Variants in CACNA1C observed in about 807,000 individuals in gnomAD.
The protein encoded by CACNA1C is calcium voltage-gated channel subunit alpha1 C, also known as voltage-dependent L-type calcium channel subunit alpha-1C.
A neutral mutation model predicts 229.0 loss-of-function variants in CACNA1C; 30 were observed. The ratio of observed to expected loss-of-function variants is 0.13; its 90% CI spans 0.10 to 0.18. CACNA1C has a LOEUF of 0.18. CACNA1C is among the 10% of genes least tolerant of loss of function. The probability of loss-of-function intolerance (pLI) is 1.00; values close to 1 mark genes in which losing one functional copy is unlikely to be tolerated. For synonymous variants in CACNA1C, 1,114 were observed against 1,132.5 expected (o/e 0.98, Z 0.33); for missense variants, 1,658 against 2,845.0 (o/e 0.58, Z 9.49).
chr12:2,542,142 T>C (rs2099872086), intron 9 of CACNA1C, among the ~76,000 whole-genome samples: 1 of 146,914 alleles, frequency 6.8e-6, no homozygotes, highest in African/African-American at 2.6e-5. Flanking sequence ...GTGCCATTTT[T>C]CTTTTTTATC....
At chr12:1,999,037 C>T (rs2041577484) in intron 1 of CACNA1C, among the ~76,000 whole-genome samples, 1 of 152,238 alleles carries the variant, frequency 6.6e-6, no homozygotes, top group Admixed American at 6.5e-5. Context: ...ATTTCTCATT[C>T]ACTTTAGTTC....
intron 9 of CACNA1C, among the ~76,000 whole-genome samples, chr12:2,520,712 A>G (rs1444180983): frequency 7.6e-6 from 1 of 132,328 alleles, no homozygotes; most frequent in African/African-American, 3.3e-5. Context: ...TCATTGACCA[A>G]TGGCCGTGTG....
intron 3 of CACNA1C, among the ~76,000 whole-genome samples, chr12:2,385,938 A>G (rs1171418302): frequency 6.6e-6 from 1 of 152,224 alleles, no homozygotes; most frequent in Non-Finnish European, 1.5e-5. Flanking sequence ...CAGGAATCTT[A>G]TGAGTGGGTT....
At chr12:2,389,749 C>T (rs530283570) in intron 3 of CACNA1C, among the ~76,000 whole-genome samples, 19 of 152,288 alleles carry the variant, frequency 1.2e-4, no homozygotes, top group African/African-American at 4.1e-4. Flanking sequence ...ACCAGCCTTT[C>T]GGAGTCCCCA....
At position 2,029,389 on chromosome 12, in the gene CACNA1C, C is replaced by T. The variant is rs148809757; in HGVS notation, c.139+58188C>T. ...TCACCACTAACTTTTTCATTAGTCCCGAAGGAAACCCTGTACCCATTAAGA... is the reference window on the plus strand; with the variant it reads ...TCACCACTAACTTTTTCATTAGTCCTGAAGGAAACCCTGTACCCATTAAGA... On this transcript the variant is annotated intron_variant, in intron 1 of 46. Transcript: ENST00000682462. The surrounding 1 kb of genome is among the most constrained non-coding windows in gnomAD (Gnocchi z 4.9). Among the ~76,000 whole-genome samples the T allele has an allele frequency of 2.5e-4, 38 of 152,222 alleles. 1 individual carries two copies. In the East Asian group the frequency reaches 5.0e-3, roughly 20 times the overall value.
intron 3 of CACNA1C, among the ~76,000 whole-genome samples, chr12:2,122,536 C>T (rs1364009801): frequency 6.6e-6 from 1 of 151,946 alleles, no homozygotes; most frequent in Non-Finnish European, 1.5e-5. Flanking sequence ...GACCCGGCCT[C>T]CCGGTCCTTG....
At chr12:2,057,680 C>T (rs977851448) in intron 1 of CACNA1C, among the ~76,000 whole-genome samples, 5 of 152,244 alleles carry the variant, frequency 3.3e-5, no homozygotes, top group African/African-American at 4.8e-5. Context: ...GCTCTTCCCA[C>T]AGACGTCTGT....
intron 3 of CACNA1C, among the ~76,000 whole-genome samples, chr12:2,188,576 C>T (rs2097114351): frequency 6.6e-6 from 1 of 151,960 alleles, no homozygotes; most frequent in South Asian, 2.1e-4. Context: ...TCTGTCTCTC[C>T]CCATCCCCAG....
chr12:2,064,888 T>C lies in CACNA1C; in HGVS notation c.49+11277T>C, dbSNP rs79684417. On this transcript the variant is annotated intron_variant, in intron 1 of 46. Transcript: ENST00000399655. The stretch of plus-strand genomic sequence containing the variant: ...AGGAAGAAACACACACATACATTGA[T>C]GCCTCAGCTGAACCCATTAATCAGA... Among the ~76,000 whole-genome samples, 1,390 of 152,328 alleles carry C rather than the reference T, an allele frequency of 9.1e-3. 14 individuals carry two copies. The highest frequency in any genetic ancestry group is 0.031 in the African/African-American group (1,304 of 41,568).
intron 1 of CACNA1C, among the ~76,000 whole-genome samples, chr12:2,024,785 A>G (rs936410515): frequency 1.3e-5 from 2 of 152,168 alleles, no homozygotes; most frequent in Admixed American, 1.3e-4. Flanking sequence ...GGAGATCTCT[A>G]TACACTGTAG....
At chr12:2,080,483 C>T (rs562597768) in intron 1 of CACNA1C, among the ~76,000 whole-genome samples, 4 of 151,884 alleles carry the variant, frequency 2.6e-5, no homozygotes, top group African/African-American at 9.6e-5. Context: ...CGCCTGTAAT[C>T]CCAGCTACTT....
intron 11 of CACNA1C, 90 bp downstream of exon 11, chr12:2,557,067 G>T (rs2044736944): frequency 2.0e-6 from 2 of 1,003,592 alleles, no homozygotes; most frequent in African/African-American, 1.6e-5. Context: ...ATACCTACAA[G>T]TTGCCAGTAG....
At chr12:2,668,403 C>T (rs1305793200) in intron 37 of CACNA1C, 2 of 153,024 alleles carry the variant, frequency 1.3e-5, no homozygotes, top group Non-Finnish European at 2.9e-5. Flanking sequence ...ACTCCCTGCC[C>T]ACTCCAGCAA....
chr12:2,688,289 G>A (rs373407498), intron 45 of CACNA1C, among the ~76,000 whole-genome samples, 158 bp from the exon 46 acceptor site: 7 of 152,390 alleles, frequency 4.6e-5, no homozygotes, highest in African/African-American at 1.7e-4. Context: ...ATGCCAGGTT[G>A]AGATAGGACC....
rs886049226 is a variant in CACNA1C at position 2,693,672 on chromosome 12, G to A, written c.*2473G>A. 6.6e-6 allele frequency: 1 copy of A among 152,244 alleles called. No homozygotes were observed. Among genetic ancestry groups the A allele is most frequent in the African/African-American group, 2.4e-5 (1 of 41,456 alleles). 9.4% of individuals were successfully genotyped at this position (152,244 alleles called of 1,614,324 possible). A position where few individuals can be genotyped will look rare whatever the true frequency, so the allele number is the denominator to read the frequency against. ...ACAGTGGGGGTGGGAACAGATTTTT[G>A]TGGGGGCATCTCTAATGCTCACTTA... is the stretch of plus-strand genomic sequence containing the variant. On this transcript the variant is annotated 3_prime_UTR_variant, in exon 47 of 47. Transcript: ENST00000399655.
chr12:2,562,334 G>T (rs2047939268), intron 11 of CACNA1C, among the ~76,000 whole-genome samples: 1 of 152,224 alleles, frequency 6.6e-6, no homozygotes, highest in South Asian at 2.1e-4. Context: ...AACCTTGATT[G>T]CCTTGGACTC....
chr12:2,462,702 G>C (rs1197425244), intron 5 of CACNA1C, among the ~76,000 whole-genome samples: 1 of 152,314 alleles, frequency 6.6e-6, no homozygotes, highest in African/African-American at 2.4e-5. Context: ...AGTGGTGCCA[G>C]CTTCCTGGAC....
intron 1 of CACNA1C, among the ~76,000 whole-genome samples, chr12:2,093,856 G>A (rs984049322): frequency 2.0e-4 from 31 of 152,304 alleles, no homozygotes; most frequent in African/African-American, 7.5e-4. Context: ...GGCTGCCAGG[G>A]GACCACCCAA....
chr12:2,402,592 T>G (rs559897018), intron 3 of CACNA1C, among the ~76,000 whole-genome samples: 9 of 152,382 alleles, frequency 5.9e-5, no homozygotes, highest in Non-Finnish European at 1.2e-4. Flanking sequence ...AAATGAGAAT[T>G]TTAATGCTGG....
Sources: allele counts gnomAD v4.1 joint callset (sites outside exome capture counted in the v4.1 genomes callset), GRCh38; gene constraint gnomAD v4.1.1; non-coding constraint Gnocchi (gnomAD v3.1); transcripts MANE v1.5; gene names NCBI Gene and HGNC (gene_info 2026-07-23, HGNC 2026-07-21).